Variants in PPL observed in about 807,000 individuals in gnomAD.
PPL encodes the protein periplakin, also known as 190 kDa paraneoplastic pemphigus antigen.
In PPL, 198 loss-of-function variants were observed where a neutral mutation model predicts 194.4. That is an observed-to-expected ratio of 1.02 (90% confidence interval 0.91 to 1.15). The LOEUF (loss-of-function observed/expected upper bound fraction) is 1.15, where lower values mean the gene tolerates loss of function less well. PPL is among the 50% of genes most tolerant of loss of function. PPL has a pLI of 0.00. For missense variants in PPL, 2,885 were observed against 2,294.8 expected, an observed-to-expected ratio of 1.26 and a Z score of -5.25; for synonymous variants, 1,220 against 972.4, an observed-to-expected ratio of 1.25 and a Z score of -4.74.
intron 12 of PPL, among the ~76,000 whole-genome samples, chr16:4,894,084 A>G (rs1382556888): frequency 6.6e-6 from 1 of 152,188 alleles, no homozygotes; most frequent in African/African-American, 2.4e-5. Context: ...TAGTCACTTA[A>G]TAAAAAGCGG....
At chr16:4,896,965 A>C (rs1229768790) in intron 9 of PPL, among the ~76,000 whole-genome samples, 4 of 151,996 alleles carry the variant, frequency 2.6e-5, no homozygotes, top group African/African-American at 9.7e-5. Context: ...GGGGTGATGG[A>C]AAGTTTTGCA....
At chr16:4,894,396 G>C in intron 12 of PPL, 71 bp downstream of exon 12, 2 of 1,566,196 alleles carry the variant, frequency 1.3e-6, no homozygotes, top group Non-Finnish European at 1.7e-6. Context: ...AATCCCCGGG[G>C]CTATGAATGG....
intron 18 of PPL, among the ~76,000 whole-genome samples, chr16:4,889,636 T>G (rs1371958972): frequency 1.3e-5 from 2 of 152,194 alleles, no homozygotes; most frequent in Non-Finnish European, 2.9e-5. Flanking sequence ...ACTGATGATT[T>G]GGACCACCAG....
chr16:4,928,448 A>G (rs1232814393), intron 1 of PPL, among the ~76,000 whole-genome samples: 1 of 152,182 alleles, frequency 6.6e-6, no homozygotes, highest in African/African-American at 2.4e-5. Context: ...TCCTAGGCAG[A>G]GGGTTTTTGT....
intron 2 of PPL, among the ~76,000 whole-genome samples, chr16:4,905,467 C>A (rs2088663668): frequency 6.6e-6 from 1 of 152,116 alleles, no homozygotes; most frequent in Non-Finnish European, 1.5e-5. Flanking sequence ...AGTAAATAGG[C>A]ACAAGAGATC....
intron 1 of PPL, among the ~76,000 whole-genome samples, chr16:4,927,007 G>A (rs1440245453): frequency 6.6e-6 from 1 of 151,442 alleles, no homozygotes; most frequent in African/African-American, 2.4e-5. Context: ...ACTCAATCCA[G>A]TAAAAACCAG....
At chr16:4,936,171 C>G in intron 1 of PPL, among the ~76,000 whole-genome samples, 1 of 152,226 alleles carries the variant, frequency 6.6e-6, no homozygotes, top group East Asian at 1.9e-4. Context: ...CCAGGCCGCC[C>G]TGGGAACCCG....
At chr16:4,918,237 G>C (rs1459023126) in intron 1 of PPL, among the ~76,000 whole-genome samples, 2 of 150,310 alleles carry the variant, frequency 1.3e-5, no homozygotes, top group African/African-American at 4.9e-5. Flanking sequence ...AGGTTGCAGT[G>C]AGCCGAGATT....
chr16:4,917,148 A>C (rs1568043311), intron 1 of PPL, among the ~76,000 whole-genome samples: 1 of 152,068 alleles, frequency 6.6e-6, no homozygotes, highest in Non-Finnish European at 1.5e-5. Flanking sequence ...TAAAAAACAA[A>C]AAAACAAAAA....
rs762116674 is a variant in PPL, at chr16:4,885,504, TCTC to T, written c.3148_3150del (p.Glu1050del). ...TTCACCACCTCTTTCTCTGTGACCT[TCTC>T]CTGCGCCCGGCTCTTCTCTTCAGCC... On this transcript the variant is annotated inframe_deletion, in exon 22 of 22. Transcript: ENST00000345988. This position sits in a 1 kb window ranked among gnomAD's most constrained non-coding sequence, Gnocchi z 6.3. 43 of 1,611,314 alleles carry T rather than the reference TCTC, an allele frequency of 2.7e-5. No homozygotes were observed. The Admixed American group carries it at 7.0e-4, about 26-fold the overall frequency.
chr16:4,891,768 C>T (rs372714820), intron 16 of PPL, 43 bp downstream of exon 16: 20 of 1,569,116 alleles, frequency 1.3e-5, no homozygotes, highest in Non-Finnish European at 1.6e-5. Flanking sequence ...GATGCTCTCA[C>T]CTGCTCAGAG....
At chr16:4,895,223 T>G (rs2088401218) in intron 11 of PPL, 38 bp downstream of exon 11, 4 of 1,554,900 alleles carry the variant, frequency 2.6e-6, no homozygotes, top group African/African-American at 1.4e-5. Flanking sequence ...CCCCAAAAAC[T>G]TTGTAGTGAT....
intron 16 of PPL, among the ~76,000 whole-genome samples, chr16:4,891,129 T>C (rs2088313017): frequency 6.6e-6 from 1 of 152,210 alleles, no homozygotes; most frequent in East Asian, 1.9e-4. Flanking sequence ...CCTGAAAAGC[T>C]AACTTCTAAA....
intron 1 of PPL, among the ~76,000 whole-genome samples, chr16:4,936,385 C>G (rs1441838256): frequency 6.6e-6 from 1 of 152,186 alleles, no homozygotes; most frequent in Non-Finnish European, 1.5e-5. Context: ...CTCTGGCGCG[C>G]AGGGTGGCAG....
Position 4,883,739 on chromosome 16 carries a change from C to A in PPL, c.4916G>T (p.Arg1639Leu). The A allele has an allele frequency of 6.2e-7, 1 of 1,614,004 alleles. No individual in the cohort carries two copies. ...KDLEIDELQK[R>L]LGSVAVKREQ... ...CCGCTTGACGGCCACGGAGCCCAGGCGCTTCTGCAGCTCGTCGATCTCGAG... is the reference window on the plus strand; with the variant it reads ...CCGCTTGACGGCCACGGAGCCCAGGAGCTTCTGCAGCTCGTCGATCTCGAG... Residue 1639 changes from arginine to leucine, a missense_variant, in exon 22 of 22, where the codon CGC (arginine) becomes CTC (leucine). Physicochemically the swap from Arg to Leu is moderately radical, Grantham distance 102. Transcript: ENST00000345988. The surrounding 1 kb of genome is among the most constrained non-coding windows in gnomAD (Gnocchi z 4.8).
At chr16:4,933,714 A>T (rs1000348869) in intron 1 of PPL, among the ~76,000 whole-genome samples, 4 of 152,008 alleles carry the variant, frequency 2.6e-5, no homozygotes, top group African/African-American at 9.7e-5. Flanking sequence ...GCTTAACTCC[A>T]TCTTATCTCT....
intron 1 of PPL, among the ~76,000 whole-genome samples, chr16:4,928,030 C>A (rs1020612058): frequency 6.6e-6 from 1 of 152,240 alleles, no homozygotes; most frequent in African/African-American, 2.4e-5. Context: ...TCATAGCTCA[C>A]TGCAGCTTTG....
intron 2 of PPL, 35 bp downstream of exon 2, chr16:4,910,815 G>C: frequency 6.4e-7 from 1 of 1,565,964 alleles, no homozygotes; most frequent in Non-Finnish European, 8.8e-7. Flanking sequence ...GGCAGCACGG[G>C]GCACCCAGGT....
At chr16:4,889,651 T>C (rs1157609653) in intron 18 of PPL, among the ~76,000 whole-genome samples, 2 of 152,162 alleles carry the variant, frequency 1.3e-5, no homozygotes, top group Non-Finnish European at 2.9e-5. Flanking sequence ...CACCAGACAC[T>C]GTTCTGCTGT....
Sources: allele counts gnomAD v4.1 joint callset (sites outside exome capture counted in the v4.1 genomes callset), GRCh38; gene constraint gnomAD v4.1.1; non-coding constraint Gnocchi (gnomAD v3.1); transcripts MANE v1.5; gene names NCBI Gene and HGNC (gene_info 2026-07-23, HGNC 2026-07-21).